Variants in MMEL1 observed in about 807,000 individuals in gnomAD.
MMEL1 encodes membrane metalloendopeptidase like 1.
MMEL1 carries 98 observed loss-of-function variants against 117.1 expected under a neutral mutation model. That is an observed-to-expected ratio of 0.84 (90% confidence interval 0.71 to 0.99). The LOEUF is 0.99. Ranked by LOEUF, MMEL1 falls within the 50% of genes least tolerant of loss-of-function variation. MMEL1 has a pLI of 0.00. For missense variants in MMEL1, 1,014 were observed against 1,049.1 expected, an observed-to-expected ratio of 0.97 and a Z score of 0.46; for synonymous variants, 390 against 415.1, an observed-to-expected ratio of 0.94 and a Z score of 0.74.
intron 11 of MMEL1, among the ~76,000 whole-genome samples, chr1:2,603,212 G>A (rs1309126496): frequency 1.3e-5 from 2 of 152,234 alleles, no homozygotes; most frequent in Non-Finnish European, 2.9e-5. Context: ...GGTTGAGGGG[G>A]CAGGGGCTTT....
Position 2,590,954 on chromosome 1 carries a change from G to C in MMEL1, c.*36C>G, listed in dbSNP as rs1284836917. The C allele has an allele frequency of 5.5e-6, 8 of 1,444,694 alleles. No individual in the cohort carries two copies. Among genetic ancestry groups the C allele is most frequent in the Non-Finnish European group, 5.5e-6 (6 of 1,088,922 alleles). 89.5% of individuals were successfully genotyped at this position (1,444,694 alleles called of 1,614,324 possible). On this transcript the variant is annotated 3_prime_UTR_variant, in exon 24 of 24. Transcript: ENST00000378412. ...TTCGCACAGATGCCTCCGAGCAGCG[G>C]GTGGGCGTGGGCCGCACAGCGCGGC...
At chr1:2,620,153 AAG>A (rs1216836920) in intron 2 of MMEL1, among the ~76,000 whole-genome samples, 2 of 152,316 alleles carry the variant, frequency 1.3e-5, no homozygotes, top group South Asian at 4.1e-4. Context: ...ACCCAAGACA[AAG>A]AGAACATAGC....
At chr1:2,626,002 G>A (rs1380864161) in intron 2 of MMEL1, among the ~76,000 whole-genome samples, 3 of 152,156 alleles carry the variant, frequency 2.0e-5, no homozygotes, top group Non-Finnish European at 4.4e-5. Context: ...ACCCACAAGT[G>A]GACAGCTGCA....
Position 2,598,395 on chromosome 1 carries a change from C to T in MMEL1, c.1179-95G>A, listed in dbSNP as rs1246263030. The T allele has an allele frequency of 3.7e-6, 5 of 1,343,180 alleles. No homozygotes were observed. The African/African-American group carries it at 4.3e-5, about 12-fold the overall frequency. The allele number at this position is 1,343,180 out of a possible 1,614,324, so 83.2% of individuals were successfully genotyped here. ...AGGGCCCTTGGCCAGCACGTTCCAC[C>T]CCAGAGAGTTATGGGTGCTGGAGAA... On this transcript the variant is annotated intron_variant, in intron 12 of 23. Coordinates refer to ENST00000378412, the MANE Select transcript of MMEL1 (RefSeq NM_033467.4).
intron 2 of MMEL1, 147 bp downstream of exon 2, chr1:2,629,184 G>A (rs1191540397): frequency 2.4e-6 from 2 of 825,432 alleles, no homozygotes; most frequent in African/African-American, 3.6e-5. Context: ...CTCGGCCCCG[G>A]GAGCCCCTGG....
At chr1:2,627,758 T>G (rs1346299954) in intron 2 of MMEL1, among the ~76,000 whole-genome samples, 1 of 152,234 alleles carries the variant, frequency 6.6e-6, no homozygotes, top group African/African-American at 2.4e-5. Context: ...TAATAACTGC[T>G]TAGAAAACCT....
At chr1:2,624,940 G>A (rs1201809582) in intron 2 of MMEL1, among the ~76,000 whole-genome samples, 2 of 152,182 alleles carry the variant, frequency 1.3e-5, no homozygotes, top group Non-Finnish European at 2.9e-5. Context: ...GAGAGAGAGA[G>A]CGCGAAGGGG....
Position 2,594,858 on chromosome 1 carries a change from A to G in MMEL1, c.1620T>C (p.Ser540=). The G allele has an allele frequency of 6.2e-7, 1 of 1,613,952 alleles. No individual in the cohort carries two copies. Among genetic ancestry groups the G allele is most frequent in the Non-Finnish European group, 8.5e-7 (1 of 1,179,960 alleles). ...NFSEDLYFEN[S]LQNLKVGAQR... is the part of the protein sequence containing the mutation. ...GGGCGCCCACCTTGAGGTTCTGCAGACTGTTCTCAAAGTACAGGTCCTCTG... is the reference window on the plus strand; with the variant it reads ...GGGCGCCCACCTTGAGGTTCTGCAGGCTGTTCTCAAAGTACAGGTCCTCTG... The change falls in exon 17 of 24, where the codon AGT becomes AGC. Residue 540 remains serine, a synonymous_variant. Coordinates refer to ENST00000378412, the MANE Select transcript of MMEL1 (RefSeq NM_033467.4).
chr1:2,628,573 G>C (rs1475240307), intron 2 of MMEL1, among the ~76,000 whole-genome samples: 1 of 152,220 alleles, frequency 6.6e-6, no homozygotes, highest in Non-Finnish European at 1.5e-5. Context: ...AGAGGGACCA[G>C]GGCTGTGCCT....
intron 22 of MMEL1, 113 bp from the exon 23 acceptor site, chr1:2,591,746 TCAG>T (rs1243539086): frequency 4.7e-6 from 5 of 1,062,652 alleles, no homozygotes; most frequent in Non-Finnish European, 7.3e-6. Context: ...GTGAGGGGAG[TCAG>T]CAGGTGCTCC....
chr1:2,602,880 CCT>C (rs1212627634), intron 11 of MMEL1, among the ~76,000 whole-genome samples: 1 of 147,666 alleles, frequency 6.8e-6, no homozygotes, highest in Non-Finnish European at 1.5e-5. Flanking sequence ...CATCCTGCCC[CCT>C]TTCTGGCTTT....
intron 2 of MMEL1, among the ~76,000 whole-genome samples, chr1:2,625,515 G>A (rs1303615202): frequency 1.3e-5 from 2 of 152,220 alleles, no homozygotes; most frequent in Non-Finnish European, 2.9e-5. Context: ...GCTGTTTGGA[G>A]CCTTTGGCAG....
Position 2,598,536 on chromosome 1 carries a change from C to A in MMEL1, c.1178+118G>T, listed in dbSNP as rs1644882651. The A allele has an allele frequency of 4.0e-6, 6 of 1,498,556 alleles. No homozygotes were observed. In the East Asian group the frequency reaches 1.4e-4, roughly 34 times the overall value. 92.8% of individuals were successfully genotyped at this position (1,498,556 alleles called of 1,614,324 possible). A position where few individuals can be genotyped will look rare whatever the true frequency, so the allele number is the denominator to read the frequency against. On this transcript the variant is annotated intron_variant, in intron 12 of 23. Transcript: ENST00000378412. ...CTAAAGCTTAACCCCTCATGTCCCA[C>A]ACCCCTCAGGGCAGATGCTTCATAG...
chr1:2,591,411 A>G, intron 23 of MMEL1, 146 bp downstream of exon 23: 1 of 695,716 alleles, frequency 1.4e-6, no homozygotes, highest in Non-Finnish European at 2.5e-6. Flanking sequence ...CCTGACCGAA[A>G]TCGGCCAGAA....
At chr1:2,594,289 T>G in intron 18 of MMEL1, 96 bp downstream of exon 18, 6 of 1,273,678 alleles carry the variant, frequency 4.7e-6, no homozygotes, top group Non-Finnish European at 1.1e-6. Context: ...CAGGCTGGGG[T>G]GCCCCCAGGA....
At chr1:2,611,152 C>T (rs1645119012) in intron 4 of MMEL1, 129 bp downstream of exon 4, 1 of 923,366 alleles carries the variant, frequency 1.1e-6, no homozygotes, top group Non-Finnish European at 1.6e-6. Context: ...CCGAGTCCGG[C>T]CCACCCGGCT....
In MMEL1 at chr1:2,612,214, AAC is replaced by A; in HGVS notation, c.155-12_155-11del. ...CGTGGCAGCTGCTTCCCTGGGGAGA[AAC>A]ACAGCGCTCAGCTGCGGCCTCCTGC... On this transcript the variant is annotated splice_polypyrimidine_tract_variant and intron_variant, in intron 2 of 23. Transcript: ENST00000378412. The surrounding 1 kb of genome is among the most constrained non-coding windows in gnomAD (Gnocchi z 5.4). The A allele has an allele frequency of 6.4e-7, 1 of 1,563,384 alleles. No homozygotes were observed. The highest frequency in any genetic ancestry group is 8.7e-7 in the Non-Finnish European group (1 of 1,152,988).
intron 11 of MMEL1, among the ~76,000 whole-genome samples, chr1:2,602,290 T>C (rs557484788): frequency 7.6e-5 from 11 of 144,584 alleles, no homozygotes; most frequent in Admixed American, 5.6e-4. Context: ...TGAGGGGTGA[T>C]TGTGTGGATG....
chr1:2,610,973 G>GA (rs1360430582), intron 4 of MMEL1, among the ~76,000 whole-genome samples: 1 of 152,250 alleles, frequency 6.6e-6, no homozygotes, highest in African/African-American at 2.4e-5. Context: ...TCTGAAATAA[G>GA]AAAGTGGCTA....
Sources: allele counts gnomAD v4.1 joint callset (sites outside exome capture counted in the v4.1 genomes callset), GRCh38; gene constraint gnomAD v4.1.1; non-coding constraint Gnocchi (gnomAD v3.1); transcripts MANE v1.5; gene names NCBI Gene and HGNC (gene_info 2026-07-23, HGNC 2026-07-21).